The following MCC variants were observed in gnomAD, a reference collection of about 807,000 sequenced individuals.
The protein encoded by MCC is colorectal mutant cancer protein.
In MCC, 90 loss-of-function variants were observed where a neutral mutation model predicts 116.2. That is an observed-to-expected ratio of 0.77 (90% CI 0.65 to 0.92). MCC has a LOEUF of 0.92. Ranked by LOEUF, MCC falls within the 40% of genes least tolerant of loss-of-function variation. The pLI is 0.00. For missense variants in MCC, 1,516 were observed against 1,312.2 expected, an observed-to-expected ratio of 1.16 and a Z score of -2.40; for synonymous variants, 578 against 510.5, an observed-to-expected ratio of 1.13 and a Z score of -1.78.
chr5:113,049,029 G>T, intron 16 of MCC, 64 bp downstream of exon 16: 1 of 866,950 alleles, frequency 1.2e-6, no homozygotes, highest in Non-Finnish European at 1.5e-6. Context: ...GTGGCCAGTG[G>T]TCACTGGGCA....
intron 2 of MCC, among the ~76,000 whole-genome samples, chr5:113,360,778 ACTC>A (rs1457380271): frequency 6.6e-6 from 1 of 151,914 alleles, no homozygotes; most frequent in East Asian, 1.9e-4. Flanking sequence ...TCTCCTTTTT[ACTC>A]CTGATATTAG....
At chr5:113,444,487 C>T (rs1454510267) in intron 1 of MCC, among the ~76,000 whole-genome samples, 1 of 152,148 alleles carries the variant, frequency 6.6e-6, no homozygotes, top group Non-Finnish European at 1.5e-5. Flanking sequence ...TCTACATGTC[C>T]TAGTCTTAGT....
chr5:113,086,644 T>G (rs1016476656), intron 8 of MCC, among the ~76,000 whole-genome samples: 4 of 152,312 alleles, frequency 2.6e-5, no homozygotes, highest in African/African-American at 9.6e-5. Context: ...GTATTCCAAG[T>G]AGCTGAAGAG....
intron 3 of MCC, among the ~76,000 whole-genome samples, chr5:113,292,185 T>C (rs562491347): frequency 6.6e-6 from 1 of 152,118 alleles, no homozygotes; most frequent in Non-Finnish European, 1.5e-5. Context: ...TGAGCCGAGA[T>C]TGCACCACTG....
In MCC at chr5:113,074,792, T is replaced by C. The variant is rs115466770; in HGVS notation, c.1785-3558A>G. Among the ~76,000 whole-genome samples the C allele has an allele frequency of 5.3e-3, 812 of 152,306 alleles. 3 individuals are homozygous for C. The highest frequency in any genetic ancestry group is 6.5e-3 in the Non-Finnish European group (439 of 68,028). ...CAAGTGGAAGAAAGCGTATCAGGGA[T>C]TGAAGATCATATGAATGAAATGAAG... On this transcript the variant is annotated intron_variant, in intron 11 of 18. Coordinates refer to ENST00000408903, the MANE Select transcript of MCC (RefSeq NM_001085377.2).
At chr5:113,140,058 C>T (rs1016579871) in intron 5 of MCC, among the ~76,000 whole-genome samples, 1 of 152,178 alleles carries the variant, frequency 6.6e-6, no homozygotes, top group African/African-American at 2.4e-5. Flanking sequence ...AAGGAACATA[C>T]AATAAAACTT....
In MCC at chr5:113,133,014, T is replaced by G. The variant is rs1051578776; in HGVS notation, c.885-10188A>C. 3.3e-5 allele frequency among the ~76,000 whole-genome samples: 5 copies of G among 152,278 alleles called. No individual in the cohort carries two copies. In the East Asian group the frequency reaches 9.6e-4, roughly 29 times the overall value. ...AGAATCTATAACTTTCTTTTTTTTTTGTTTTTACTGATACCGGATAGATAC... is the reference window on the plus strand; with the variant it reads ...AGAATCTATAACTTTCTTTTTTTTTGGTTTTTACTGATACCGGATAGATAC... On this transcript the variant is annotated intron_variant, in intron 5 of 18. Transcript: ENST00000408903.
At chr5:113,468,630 G>C (rs1167243042) in intron 1 of MCC, among the ~76,000 whole-genome samples, 2 of 152,098 alleles carry the variant, frequency 1.3e-5, no homozygotes, top group Non-Finnish European at 2.9e-5. Context: ...CAAGGATATT[G>C]GTCTAAAATT....
chr5:113,257,567 G>A (rs1237785980), intron 3 of MCC, among the ~76,000 whole-genome samples: 1 of 152,150 alleles, frequency 6.6e-6, no homozygotes, highest in Non-Finnish European at 1.5e-5. Context: ...GGAGAGAGAA[G>A]TGGGTTGAGA....
chr5:113,116,410 T>C (rs1391492260), intron 6 of MCC, among the ~76,000 whole-genome samples: 4 of 152,240 alleles, frequency 2.6e-5, no homozygotes, highest in Admixed American at 2.6e-4. Flanking sequence ...AACACTCCTT[T>C]ATTATAATGC....
intron 1 of MCC, among the ~76,000 whole-genome samples, chr5:113,441,284 C>T (rs1422707179): frequency 6.6e-6 from 1 of 152,022 alleles, no homozygotes; most frequent in East Asian, 1.9e-4. Context: ...ACAGTGAGCC[C>T]AGATGGTGCC....
At chr5:113,084,783 G>A (rs977563893) in intron 9 of MCC, among the ~76,000 whole-genome samples, 1 of 152,202 alleles carries the variant, frequency 6.6e-6, no homozygotes, top group Non-Finnish European at 1.5e-5. Context: ...TGTCAGTCTT[G>A]TGAGTGGGGA....
At chr5:113,084,871 AC>A (rs1394558117) in intron 9 of MCC, among the ~76,000 whole-genome samples, 1 of 152,230 alleles carries the variant, frequency 6.6e-6, no homozygotes, top group Non-Finnish European at 1.5e-5. Flanking sequence ...ACTGTGAAGT[AC>A]TGGAGCACTT....
At chr5:113,079,028 G>C (rs976409380) in intron 11 of MCC, among the ~76,000 whole-genome samples, 1 of 152,104 alleles carries the variant, frequency 6.6e-6, no homozygotes, top group African/African-American at 2.4e-5. Context: ...GACAAACAGA[G>C]AGCCAAATCA....
At chr5:113,453,960 A>C (rs1430427859) in intron 1 of MCC, among the ~76,000 whole-genome samples, 1 of 152,108 alleles carries the variant, frequency 6.6e-6, no homozygotes, top group Non-Finnish European at 1.5e-5. Flanking sequence ...AAAATACAAA[A>C]TTAGCCGGGT....
At position 113,259,614 on chromosome 5, in the gene MCC, T is replaced by C. The variant is rs2150347836; in HGVS notation, c.627+80905A>G. The stretch of plus-strand genomic sequence containing the variant: ...TTTGTTTATTTCCAGTAATTAAATT[T>C]GGTTGCAGCAGAGTGCGGCCAGGAG... On this transcript the variant is annotated intron_variant, in intron 3 of 18. Transcript: ENST00000408903. Among the ~76,000 whole-genome samples, 3 of 152,312 alleles carry C rather than the reference T, an allele frequency of 2.0e-5. No homozygotes were observed. The South Asian group carries it at 6.2e-4, about 32-fold the overall frequency.
At chr5:113,255,934 A>G (rs898048469) in intron 3 of MCC, among the ~76,000 whole-genome samples, 6 of 152,220 alleles carry the variant, frequency 3.9e-5, no homozygotes, top group South Asian at 2.1e-4. Flanking sequence ...AGCAAATCCT[A>G]AAATCCAAAA....
chr5:113,099,959 G>C (rs1354460257), intron 8 of MCC, among the ~76,000 whole-genome samples: 2 of 152,110 alleles, frequency 1.3e-5, no homozygotes, highest in African/African-American at 4.8e-5. Context: ...TAATCATCGG[G>C]GAGTGTAACC....
At chr5:113,060,185 T>C (rs1294728670) in intron 14 of MCC, among the ~76,000 whole-genome samples, 2 of 152,166 alleles carry the variant, frequency 1.3e-5, no homozygotes, top group Non-Finnish European at 2.9e-5. Flanking sequence ...AGACAGAGTC[T>C]CACTCTGTTG....
Sources: allele counts gnomAD v4.1 joint callset (sites outside exome capture counted in the v4.1 genomes callset), GRCh38; gene constraint gnomAD v4.1.1; transcripts MANE v1.5; gene names NCBI Gene and HGNC (gene_info 2026-07-23, HGNC 2026-07-21).